The following ASB1 variants were observed in gnomAD, a reference collection of about 807,000 sequenced individuals.
ASB1 encodes ankyrin repeat and SOCS box protein 1.
Under a neutral mutation model 27.7 loss-of-function variants are expected in ASB1, and 18 were observed. The observed-to-expected ratio is 0.65, with a 90% CI of 0.45 to 0.96. The LOEUF is 0.96. ASB1 is among the 50% of genes least tolerant of loss of function. ASB1 has a pLI of 0.00. For synonymous variants in ASB1, 189 were observed against 187.6 expected, an observed-to-expected ratio of 1.01 and a Z score of -0.06; for missense variants, 397 against 451.7, an observed-to-expected ratio of 0.88 and a Z score of 1.10.
intron 3 of ASB1, among the ~76,000 whole-genome samples, chr2:238,442,215 T>C (rs1174572853): frequency 6.6e-6 from 1 of 151,582 alleles, no homozygotes; most frequent in African/African-American, 2.4e-5. Flanking sequence ...GCCTCCCGGG[T>C]TGAAGCAATT....
In ASB1 at chr2:238,444,404, G is replaced by A. The variant is rs774023959; in HGVS notation, c.557G>A (p.Arg186Gln). The change falls in exon 4 of 5, where the codon CGG becomes CAG. Residue 186 changes from arginine to glutamine, a missense_variant. By Grantham distance (43) the Arg-to-Gln change is conservative. Transcript: ENST00000264607. Reference sequence around the variant, plus strand: ...CCTGATGTCCAGCCTCGATTCTCCCGGCGGCTCACCTCCTTGGTGGTCTGC... The same window carrying A: ...CCTGATGTCCAGCCTCGATTCTCCCAGCGGCTCACCTCCTTGGTGGTCTGC... The part of the protein sequence containing the change: ...LTPDVQPRFS[R>Q]RLTSLVVCPL... 21 of 1,613,424 alleles carry A rather than the reference G, an allele frequency of 1.3e-5. No individual in the cohort carries two copies. The highest frequency in any genetic ancestry group is 1.6e-5 in the Non-Finnish European group (19 of 1,179,626).
At chr2:238,435,618 G>T in intron 2 of ASB1, 93 bp from the exon 3 acceptor site, 1 of 1,310,926 alleles carries the variant, frequency 7.6e-7, no homozygotes, top group Non-Finnish European at 1.0e-6. Context: ...ACCAGAGGGG[G>T]ACCGTGTCCA....
chr2:238,430,993 C>T (rs1463907434), intron 1 of ASB1, among the ~76,000 whole-genome samples: 3 of 152,260 alleles, frequency 2.0e-5, no homozygotes, highest in African/African-American at 7.2e-5. Flanking sequence ...TGAACACTGA[C>T]TTCCACTTAA....
rs112459802 is a variant in ASB1, at chr2:238,448,861, A to T, written c.*2350A>T. On this transcript the variant is annotated 3_prime_UTR_variant, in exon 5 of 5. Transcript: ENST00000264607. ...CCCCTGGTCTCTCTAGGAGGAGTGG[A>T]CTGAATGGATCGTTGCAGAGAAGAC... 80 of 152,480 alleles carry T rather than the reference A, an allele frequency of 5.2e-4. No individual in the cohort carries two copies. The highest frequency in any genetic ancestry group is 1.9e-3 in the African/African-American group (78 of 41,578). The allele number at this position is 152,480 out of a possible 1,614,324, so 9.4% of individuals were successfully genotyped here.
Position 238,449,533 on chromosome 2 carries a change from G to C in ASB1, c.*3022G>C, listed in dbSNP as rs1326266183. 1 of 152,736 alleles carries C rather than the reference G, an allele frequency of 6.5e-6. No individual in the cohort carries two copies. Among genetic ancestry groups the C allele is most frequent in the Non-Finnish European group, 1.5e-5 (1 of 68,344 alleles). 9.5% of individuals were successfully genotyped at this position (152,736 alleles called of 1,614,324 possible). ...GGGCTGGGCTGGGCTGTGGTGGGGT[G>C]GGGGACAACGTTGGTAACTCTGAGA... On this transcript the variant is annotated 3_prime_UTR_variant, in exon 5 of 5. Transcript: ENST00000264607.
At chr2:238,431,108 C>T (rs767806750) in intron 1 of ASB1, among the ~76,000 whole-genome samples, 4 of 152,238 alleles carry the variant, frequency 2.6e-5, no homozygotes, top group Non-Finnish European at 5.9e-5. Flanking sequence ...TAGATGGCAT[C>T]TTTTTTTCCA....
chr2:238,439,420 A>G (rs1327482923), intron 3 of ASB1, among the ~76,000 whole-genome samples: 1 of 152,186 alleles, frequency 6.6e-6, no homozygotes, highest in Non-Finnish European at 1.5e-5. Flanking sequence ...CTGGACACTC[A>G]GGATGGTGCT....
intron 1 of ASB1, among the ~76,000 whole-genome samples, chr2:238,429,478 T>C (rs1283707968): frequency 1.3e-5 from 2 of 152,244 alleles, no homozygotes; most frequent in Non-Finnish European, 2.9e-5. Flanking sequence ...TCTCGCTGAT[T>C]GTGATGCCGG....
At chr2:238,437,738 T>TAGGTA (rs1162040501) in intron 3 of ASB1, among the ~76,000 whole-genome samples, 1 of 152,182 alleles carries the variant, frequency 6.6e-6, no homozygotes, top group East Asian at 1.9e-4. Context: ...TGAAAAGGAT[T>TAGGTA]AGGTAAGGGT....
At chr2:238,434,657 T>C (rs1701933162) in intron 2 of ASB1, among the ~76,000 whole-genome samples, 1 of 152,212 alleles carries the variant, frequency 6.6e-6, no homozygotes. Context: ...AGGACTGTCA[T>C]AGGAAGACAG....
chr2:238,433,613 G>A lies in ASB1; in HGVS notation c.109G>A (p.Glu37Lys), dbSNP rs774198696. 2 of 1,614,160 alleles carry A rather than the reference G, an allele frequency of 1.2e-6. No individual in the cohort carries two copies. Among genetic ancestry groups the A allele is most frequent in the Middle Eastern group, 1.6e-4 (1 of 6,062 alleles). ...TTGTGATCATCCGCTGGAGCACTGT[G>A]AGGACACGAGGCTCCATGATGCAGC... Reference protein sequence around the residue: ...QFCDHPLEHCEDTRLHDAAYV... With the variant: ...QFCDHPLEHCKDTRLHDAAYV... The change falls in exon 2 of 5, where the codon GAG becomes AAG. Residue 37 changes from glutamate to lysine, a missense_variant. By Grantham distance (56) the Glu-to-Lys change is moderately conservative. Transcript: ENST00000264607.
rs746935672 is a variant in ASB1, at chr2:238,444,499, C to A, written c.652C>A (p.Pro218Thr). The change falls in exon 4 of 5, where the codon CCT becomes ACT. Residue 218 changes from proline to threonine, a missense_variant. Coordinates refer to ENST00000264607, the MANE Select transcript of ASB1 (RefSeq NM_001040445.3). ...FRLLLLAGANPDFNCNGPVNT... is the reference protein window; with the variant it reads ...FRLLLLAGANTDFNCNGPVNT... Reference sequence around the variant, plus strand: ...GCTGCTCCTCCTGGCTGGCGCGAACCCTGACTTCAACTGCAATGGTCCTGT... The same window carrying A: ...GCTGCTCCTCCTGGCTGGCGCGAACACTGACTTCAACTGCAATGGTCCTGT... The A allele has an allele frequency of 6.2e-7, 1 of 1,614,212 alleles. No homozygotes were observed. The highest frequency in any genetic ancestry group is 1.1e-5 in the South Asian group (1 of 91,090).
At chr2:238,444,979 CTTTTT>C (rs34563680) in intron 4 of ASB1, among the ~76,000 whole-genome samples, 1 of 117,890 alleles carries the variant, frequency 8.5e-6, no homozygotes. Context: ...CTCGCGCTCT[CTTTTT>C]TTTTTTTTTT....
chr2:238,445,246 T>A (rs1170882987), intron 4 of ASB1, among the ~76,000 whole-genome samples: 1 of 152,204 alleles, frequency 6.6e-6, no homozygotes, highest in East Asian at 1.9e-4. Context: ...CCCAAAGTGC[T>A]GGGATTACAG....
intron 1 of ASB1, among the ~76,000 whole-genome samples, chr2:238,432,378 T>C (rs1023381574): frequency 6.6e-6 from 1 of 152,256 alleles, no homozygotes; most frequent in African/African-American, 2.4e-5. Flanking sequence ...TCTGTTCTTT[T>C]GTGTTGTTTT....
In ASB1 at chr2:238,446,640, T is replaced by C; in HGVS notation, c.*129T>C. On this transcript the variant is annotated 3_prime_UTR_variant, in exon 5 of 5. Transcript: ENST00000264607. ...TGCTGCAGAAGATGTCCTCGTAGACTGTCATTGCTCCTCAGGTGCCTGGGC... is the reference window on the plus strand; with the variant it reads ...TGCTGCAGAAGATGTCCTCGTAGACCGTCATTGCTCCTCAGGTGCCTGGGC... The C allele has an allele frequency of 8.0e-7, 1 of 1,242,960 alleles. No homozygotes were observed. Among genetic ancestry groups the C allele is most frequent in the Non-Finnish European group, 1.2e-6 (1 of 864,500 alleles). 77.0% of individuals were successfully genotyped at this position (1,242,960 alleles called of 1,614,324 possible). A position where few individuals can be genotyped will look rare whatever the true frequency, so the allele number is the denominator to read the frequency against.
Position 238,446,635 on chromosome 2 carries a change from T to C in ASB1, c.*124T>C. 1.6e-6 allele frequency: 2 copies of C among 1,282,992 alleles called. No individual in the cohort carries two copies. The highest frequency in any genetic ancestry group is 2.2e-6 in the Non-Finnish European group (2 of 898,928). 79.5% of individuals were successfully genotyped at this position (1,282,992 alleles called of 1,614,324 possible). ...GCTGTTGCTGCAGAAGATGTCCTCG[T>C]AGACTGTCATTGCTCCTCAGGTGCC... On this transcript the variant is annotated 3_prime_UTR_variant, in exon 5 of 5. Transcript: ENST00000264607.
At position 238,435,713 on chromosome 2, in the gene ASB1, G is replaced by T; in HGVS notation, c.194G>T (p.Arg65Leu). The T allele has an allele frequency of 1.2e-6, 2 of 1,610,156 alleles. No individual in the cohort carries two copies. The highest frequency in any genetic ancestry group is 1.3e-5 in the African/African-American group (1 of 74,898). ...SLLQEESYRS[R>L]INEKSVWCCG... ...GCCCCCTTGTGTTCCTCCTGCAGCC[G>T]CATCAACGAGAAGTCTGTCTGGTGC... The change falls in exon 3 of 5, where the codon CGC becomes CTC. Residue 65 changes from arginine to leucine, a missense_variant and splice_region_variant. Transcript: ENST00000264607.
chr2:238,433,761 C>T (rs1701915869), intron 2 of ASB1, 66 bp downstream of exon 2: 1 of 1,571,972 alleles, frequency 6.4e-7, no homozygotes, highest in Non-Finnish European at 8.7e-7. Context: ...AAGCTGAGCC[C>T]CACAGTCGCT....
Sources: allele counts gnomAD v4.1 joint callset (sites outside exome capture counted in the v4.1 genomes callset), GRCh38; gene constraint gnomAD v4.1.1; transcripts MANE v1.5; gene names NCBI Gene and HGNC (gene_info 2026-07-23, HGNC 2026-07-21).